Variants in HGS observed in about 807,000 individuals in gnomAD.
HGS encodes the protein hepatocyte growth factor-regulated tyrosine kinase substrate, also known as human growth factor-regulated tyrosine kinase substrate.
A neutral mutation model predicts 109.7 loss-of-function variants in HGS; 63 were observed. The observed-to-expected ratio is 0.57, with a 90% CI of 0.47 to 0.71. The LOEUF is 0.71. Ranked by LOEUF, HGS falls within the 30% of genes least tolerant of loss-of-function variation. The pLI, the probability that HGS is intolerant of heterozygous loss-of-function variation, is 0.00. For synonymous variants in HGS, 546 were observed against 437.3 expected (o/e 1.25, Z -3.10); for missense variants, 995 against 1,068.3 (o/e 0.93, Z 0.96).
intron 21 of HGS, 141 bp downstream of exon 21, chr17:81,701,272 C>A: frequency 1.2e-6 from 1 of 839,920 alleles, no homozygotes; most frequent in South Asian, 1.5e-5. Context: ...GGCCCCTTCT[C>A]AGCAGACAGA....
chr17:81,695,055 C>T lies in HGS; in HGVS notation c.1107C>T (p.Thr369=). 1 of 1,613,394 alleles carries T rather than the reference C, an allele frequency of 6.2e-7. No individual in the cohort carries two copies. Among genetic ancestry groups the T allele is most frequent in the Non-Finnish European group, 8.5e-7 (1 of 1,179,462 alleles). The part of the protein sequence containing the change: ...AQPGEGHAAP[T]NVVENPLPET... Reference sequence around the variant, plus strand: ...CTGGGGAAGGGCACGCAGCCCCCACCAACGTGGTGGAGGTGAGGGGGCCAC... The same window carrying T: ...CTGGGGAAGGGCACGCAGCCCCCACTAACGTGGTGGAGGTGAGGGGGCCAC... The change falls in exon 13 of 22, where the codon ACC becomes ACT. Residue 369 remains threonine (T), a synonymous_variant. Coordinates refer to ENST00000329138, the MANE Select transcript of HGS (RefSeq NM_004712.5).
chr17:81,696,051 G>A (rs765245364), intron 15 of HGS, 52 bp downstream of exon 15: 8 of 1,461,142 alleles, frequency 5.5e-6, no homozygotes, highest in African/African-American at 2.8e-5. Flanking sequence ...GGTGTTGTGA[G>A]CGCCATCCTG....
At chr17:81,689,144 C>T (rs2037027232) in intron 5 of HGS, among the ~76,000 whole-genome samples, 1 of 152,230 alleles carries the variant, frequency 6.6e-6, no homozygotes, top group Non-Finnish European at 1.5e-5. Flanking sequence ...TCAGGGAAGG[C>T]CTCTGAAGGA....
In HGS at chr17:81,701,534, G is replaced by C. The variant is rs1201046044; in HGVS notation, c.2250G>C (p.Gln750His). 4 of 1,563,454 alleles carry C rather than the reference G, an allele frequency of 2.6e-6. No individual in the cohort carries two copies. The highest frequency in any genetic ancestry group is 3.4e-6 in the Non-Finnish European group (4 of 1,161,410). Residue 750 changes from glutamine to histidine, a missense_variant, in exon 22 of 22, where the codon CAG becomes CAC. By Grantham distance (24) the Gln-to-His change is conservative. Transcript: ENST00000329138. ...TGGCACCCTCTGGCGGTCCCCCCCA[G>C]CAGCAGCCCCCCGTGGCCCAGCAAC... ...QQMAPSGGPP[Q>H]QQPPVAQQPQ...
intron 1 of HGS, among the ~76,000 whole-genome samples, chr17:81,685,227 C>T (rs913690728): frequency 2.0e-5 from 3 of 152,168 alleles, no homozygotes; most frequent in African/African-American, 4.8e-5. Flanking sequence ...ACGGGGACTC[C>T]AAGGGACGGG....
chr17:81,701,834 T>A lies in HGS; in HGVS notation c.*216T>A. On this transcript the variant is annotated 3_prime_UTR_variant, in exon 22 of 22. Transcript: ENST00000329138. ...GCTTTCTTTCCCCAGGGCTGGGCCATGGGGAGGGAAGGACTTTCTCCCAGG... is the reference window on the plus strand; with the variant it reads ...GCTTTCTTTCCCCAGGGCTGGGCCAAGGGGAGGGAAGGACTTTCTCCCAGG... 1.6e-6 allele frequency: 1 copy of A among 639,340 alleles called. No individual in the cohort carries two copies. The highest frequency in any genetic ancestry group is 2.4e-6 in the Non-Finnish European group (1 of 413,256). 39.6% of individuals were successfully genotyped at this position (639,340 alleles called of 1,614,324 possible).
chr17:81,685,913 C>G (rs565222230), intron 2 of HGS, among the ~76,000 whole-genome samples: 4 of 152,210 alleles, frequency 2.6e-5, no homozygotes, highest in Admixed American at 2.0e-4. Flanking sequence ...CTTCGGGGTT[C>G]TCAAAGACTA....
intron 15 of HGS, 113 bp downstream of exon 15, chr17:81,696,112 G>C: frequency 2.0e-6 from 2 of 1,016,326 alleles, no homozygotes; most frequent in Non-Finnish European, 2.8e-6. Context: ...CTTCATTGGG[G>C]CCGTGGCTTC....
rs533048809 is a variant in HGS at position 81,696,724 on chromosome 17, G to A, written c.1684G>A (p.Ala562Thr). ...QTVQMRAQMPAFPLPYAQLQA... is the reference protein window; with the variant it reads ...QTVQMRAQMPTFPLPYAQLQA... ...GGTCCAGATGCGCGCGCAGATGCCCGCCTTCCCCCTGCCCTACGCCCAGGC... is the reference window on the plus strand; with the variant it reads ...GGTCCAGATGCGCGCGCAGATGCCCACCTTCCCCCTGCCCTACGCCCAGGC... Residue 562 changes from alanine (A) to threonine (T), a missense_variant, in exon 17 of 22, where the codon GCC becomes ACC. Coordinates refer to ENST00000329138, the MANE Select transcript of HGS (RefSeq NM_004712.5). 8.1e-6 allele frequency: 13 copies of A among 1,607,384 alleles called. No individual in the cohort carries two copies. Among genetic ancestry groups the A allele is most frequent in the Middle Eastern group, 3.3e-4 (2 of 6,062 alleles).
Position 81,691,634 on chromosome 17 carries a change from C to A in HGS, c.662+63C>A, listed in dbSNP as rs1042947075. 4.6e-5 allele frequency: 74 copies of A among 1,603,580 alleles called. No homozygotes were observed. Among genetic ancestry groups the A allele is most frequent in the Non-Finnish European group, 6.1e-5 (72 of 1,173,592 alleles). ...AGGCTCTCCAGGCTGGGTTTTCTGT[C>A]CCTCTTGGCCATGGTGCCTGAGGCC... On this transcript the variant is annotated intron_variant, in intron 8 of 21. Coordinates refer to ENST00000329138, the MANE Select transcript of HGS (RefSeq NM_004712.5). The surrounding 1 kb of genome is among the most constrained non-coding windows in gnomAD (Gnocchi z 5.3).
rs1248096372 is a variant in HGS at position 81,700,828 on chromosome 17, C to T, written c.2136+14C>T. On this transcript the variant is annotated intron_variant, in intron 20 of 21. Transcript: ENST00000329138. Reference sequence around the variant, plus strand: ...TACAACATGCAGGTACAGTGACCTCCAGGCCCTGCTGGGGGCCAGGGTGGG... The same window carrying T: ...TACAACATGCAGGTACAGTGACCTCTAGGCCCTGCTGGGGGCCAGGGTGGG... 4 of 1,606,138 alleles carry T rather than the reference C, an allele frequency of 2.5e-6. No individual in the cohort carries two copies. The highest frequency in any genetic ancestry group is 2.7e-5 in the African/African-American group (2 of 74,798).
chr17:81,687,256 G>A (rs1203323293), intron 4 of HGS, among the ~76,000 whole-genome samples, 161 bp downstream of exon 4: 3 of 152,238 alleles, frequency 2.0e-5, no homozygotes, highest in Admixed American at 6.5e-5. Context: ...TCATGAGTCG[G>A]AGAGACAGGG....
Position 81,694,974 on chromosome 17 carries a change from T to G in HGS, c.1026T>G (p.Ala342=), listed in dbSNP as rs1409736305. The stretch of plus-strand genomic sequence containing the variant: ...ACTGGGAGAAGAAGCAGGAGGAGGC[T>G]CGCAAGAGCCCCACGCCATCTGCGC... ...RNYWEKKQEE[A]RKSPTPSAPV... The change falls in exon 13 of 22, where the codon GCT becomes GCG. Residue 342 remains alanine (A), a synonymous_variant. Transcript: ENST00000329138. The G allele has an allele frequency of 6.2e-7, 1 of 1,614,050 alleles. No individual in the cohort carries two copies.
intron 8 of HGS, chr17:81,693,071 G>T (rs1437843829): frequency 5.8e-6 from 1 of 172,332 alleles, no homozygotes; most frequent in Non-Finnish European, 1.2e-5. Context: ...TGGAAATTGC[G>T]ACCATGCTGT....
chr17:81,695,537 C>T (rs1001562300), intron 14 of HGS: 2 of 600,616 alleles, frequency 3.3e-6, no homozygotes, highest in Middle Eastern at 4.5e-4. Context: ...GCTGTCAGAG[C>T]ACAGGTCCCT....
At chr17:81,686,962 C>T (rs1332680235) in intron 3 of HGS, 41 bp from the exon 4 acceptor site, 2 of 1,547,708 alleles carry the variant, frequency 1.3e-6, no homozygotes, top group Non-Finnish European at 1.8e-6. Flanking sequence ...GGGCCCTGCC[C>T]TGACCACTGG....
At chr17:81,684,359 G>T in intron 1 of HGS, 1 of 349,628 alleles carries the variant, frequency 2.9e-6, no homozygotes, top group Non-Finnish European at 5.1e-6. Context: ...CGGCGACCTC[G>T]CTCCTCCGCG....
intron 14 of HGS, 82 bp downstream of exon 14, chr17:81,695,305 C>T: frequency 1.4e-6 from 2 of 1,442,194 alleles, no homozygotes; most frequent in East Asian, 2.3e-5. Context: ...CAGGTGCCTG[C>T]CCTAACCAGA....
chr17:81,691,581 C>G lies in HGS; in HGVS notation c.662+10C>G, dbSNP rs371152039. On this transcript the variant is annotated intron_variant, in intron 8 of 21. Coordinates refer to ENST00000329138, the MANE Select transcript of HGS (RefSeq NM_004712.5). The surrounding 1 kb of genome is among the most constrained non-coding windows in gnomAD (Gnocchi z 5.3). ...ACGAGCAGCTGAACAGGTGAGTCCC[C>G]GCCCCCCATTTGGGCTGCAGGTGGG... 1 of 1,613,824 alleles carries G rather than the reference C, an allele frequency of 6.2e-7. No individual in the cohort carries two copies. The highest frequency in any genetic ancestry group is 1.7e-5 in the Admixed American group (1 of 60,028).
Sources: allele counts gnomAD v4.1 joint callset (sites outside exome capture counted in the v4.1 genomes callset), GRCh38; gene constraint gnomAD v4.1.1; non-coding constraint Gnocchi (gnomAD v3.1); transcripts MANE v1.5; gene names NCBI Gene and HGNC (gene_info 2026-07-23, HGNC 2026-07-21).